The following PLB1 variants were observed in gnomAD, a reference collection of about 807,000 sequenced individuals.
PLB1 encodes the protein phospholipase B1, membrane-associated.
A neutral mutation model predicts 227.4 loss-of-function variants in PLB1; 242 were observed. The ratio of observed to expected loss-of-function variants is 1.06; its 90% CI spans 0.96 to 1.18. PLB1 has a LOEUF of 1.18. Among genes scored for constraint, PLB1 ranks in the 50% most tolerant of loss-of-function variants. The probability of loss-of-function intolerance (pLI) is 0.00; values close to 1 mark genes in which losing one functional copy is unlikely to be tolerated. For synonymous variants in PLB1, 757 were observed against 682.2 expected, an observed-to-expected ratio of 1.11 and a Z score of -1.71; for missense variants, 1,858 against 1,816.3, an observed-to-expected ratio of 1.02 and a Z score of -0.42.
At chr2:28,506,180 C>A (rs143306215) in intron 1 of PLB1, among the ~76,000 whole-genome samples, 1 of 152,324 alleles carries the variant, frequency 6.6e-6, no homozygotes, top group Admixed American at 6.5e-5. Flanking sequence ...AAGGAACCCT[C>A]TGGGGAGAGA....
intron 43 of PLB1, among the ~76,000 whole-genome samples, chr2:28,608,225 A>C (rs1432899117): frequency 6.6e-6 from 1 of 152,240 alleles, no homozygotes; most frequent in Non-Finnish European, 1.5e-5. Flanking sequence ...GAAAGGGTCC[A>C]TCTGTTGGCC....
chr2:28,589,421 C>T (rs750578921), intron 26 of PLB1, 29 bp from the exon 27 acceptor site: 1 of 1,551,188 alleles, frequency 6.4e-7, no homozygotes. Context: ...AGAGGACTGC[C>T]TGACATCTGT....
intron 57 of PLB1, 71 bp downstream of exon 57, chr2:28,641,072 C>G: frequency 7.0e-7 from 1 of 1,418,762 alleles, no homozygotes; most frequent in Non-Finnish European, 9.7e-7. Flanking sequence ...CCCCTGGAAG[C>G]ACAGAGGAGT....
At chr2:28,626,229 C>T (rs1687753663) in intron 50 of PLB1, among the ~76,000 whole-genome samples, 199 bp from the exon 51 acceptor site, 1 of 152,154 alleles carries the variant, frequency 6.6e-6, no homozygotes, top group African/African-American at 2.4e-5. Flanking sequence ...CTCCTGACCT[C>T]AGGTGATCCA....
At chr2:28,516,706 C>G (rs1668889653) in intron 1 of PLB1, 102 bp from the exon 2 acceptor site, 1 of 1,018,940 alleles carries the variant, frequency 9.8e-7, no homozygotes, top group African/African-American at 1.6e-5. Flanking sequence ...CATTACTGAG[C>G]TGGGCACACA....
intron 19 of PLB1, 111 bp from the exon 20 acceptor site, chr2:28,566,685 C>T: frequency 8.1e-7 from 1 of 1,231,266 alleles, no homozygotes. Flanking sequence ...GTGCAAGCTC[C>T]AGGCCCCCGG....
intron 45 of PLB1, 38 bp downstream of exon 45, chr2:28,617,825 C>G: frequency 6.3e-7 from 1 of 1,580,246 alleles, no homozygotes; most frequent in Non-Finnish European, 8.7e-7. Context: ...AATTAAGGGC[C>G]TTGCCGAATA....
chr2:28,596,943 C>CCT (rs1323987368), intron 33 of PLB1, among the ~76,000 whole-genome samples: 7 of 152,194 alleles, frequency 4.6e-5, no homozygotes, highest in African/African-American at 1.4e-4. Flanking sequence ...TGCTGGTGGG[C>CCT]TGGAAGCTAA....
chr2:28,522,789 C>CG (rs1348162819), intron 4 of PLB1, among the ~76,000 whole-genome samples: 23 of 152,298 alleles, frequency 1.5e-4, no homozygotes. Context: ...TGTGCACTGA[C>CG]GGGTACCTCG....
At chr2:28,563,812 A>G (rs1344283643) in intron 18 of PLB1, among the ~76,000 whole-genome samples, 1 of 152,150 alleles carries the variant, frequency 6.6e-6, no homozygotes, top group Non-Finnish European at 1.5e-5. Context: ...CCAGTAGAAT[A>G]CAGGGTCTCC....
rs1690146825 is a variant in PLB1 at position 28,643,048 on chromosome 2, C to T, written c.4364C>T (p.Thr1455Ile). ...GAAGATCCTCCAATGAGCCTGCGCA[C>T]TGTGGCCCTCTAGGCCCGGGGGTGG... ...RREDPPMSLR[T>I]VAL Residue 1455 changes from threonine to isoleucine, a missense_variant, in exon 58 of 58, where the codon ACT becomes ATT. By Grantham distance (89) the Thr-to-Ile change is moderately conservative. Transcript: ENST00000327757. 6.2e-7 allele frequency: 1 copy of T among 1,603,686 alleles called. No individual in the cohort carries two copies. The highest frequency in any genetic ancestry group is 8.5e-7 in the Non-Finnish European group (1 of 1,175,298).
intron 37 of PLB1, 87 bp from the exon 38 acceptor site, chr2:28,601,812 C>A: frequency 8.6e-7 from 1 of 1,168,438 alleles, no homozygotes; most frequent in Non-Finnish European, 1.3e-6. Flanking sequence ...GTCCTCAGGG[C>A]TGGAGCCAGA....
At chr2:28,505,004 A>G (rs886115626) in intron 1 of PLB1, among the ~76,000 whole-genome samples, 7 of 152,178 alleles carry the variant, frequency 4.6e-5, no homozygotes, top group South Asian at 2.1e-4. Context: ...TGTTCATTCT[A>G]TTGGGCACTG....
chr2:28,556,629 T>G (rs1675175837), intron 17 of PLB1, among the ~76,000 whole-genome samples: 1 of 152,028 alleles, frequency 6.6e-6, no homozygotes, highest in African/African-American at 2.4e-5. Context: ...GAGCTTAGGA[T>G]TTTCCCAGCG....
At chr2:28,549,467 G>A (rs904596847) in intron 15 of PLB1, among the ~76,000 whole-genome samples, 2 of 125,974 alleles carry the variant, frequency 1.6e-5, no homozygotes, top group Admixed American at 1.0e-4. Flanking sequence ...CCAGGCTGGA[G>A]TGCAGTGGCA....
chr2:28,612,227 G>A (rs1030112367), intron 43 of PLB1, among the ~76,000 whole-genome samples: 3 of 152,168 alleles, frequency 2.0e-5, no homozygotes, highest in Non-Finnish European at 2.9e-5. Flanking sequence ...GAGACTTGTC[G>A]GGTGCCTCAG....
chr2:28,567,079 A>C (rs10184177), intron 20 of PLB1, among the ~76,000 whole-genome samples: 7,314 of 151,884 alleles, frequency 0.048, 627 homozygotes, highest in African/African-American at 0.17. Context: ...GAGGTGTCAA[A>C]AAGAAATTGT....
intron 33 of PLB1, 183 bp downstream of exon 33, chr2:28,593,937 T>G (rs1682441566): frequency 1.4e-6 from 1 of 737,854 alleles, no homozygotes; most frequent in East Asian, 2.5e-5. Context: ...GATATTTTAC[T>G]GTTGATAATC....
chr2:28,497,655 T>C (rs974162323), intron 1 of PLB1, among the ~76,000 whole-genome samples: 2 of 152,328 alleles, frequency 1.3e-5, no homozygotes, highest in East Asian at 1.9e-4. Flanking sequence ...GCCTGGCCGA[T>C]TGCAGACTGT....
Sources: gnomAD v4.1 joint callset for allele counts (sites outside exome capture counted in the v4.1 genomes callset) on GRCh38, gnomAD v4.1.1 for gene constraint, MANE v1.5 for transcripts, NCBI Gene and HGNC (gene_info 2026-07-23, HGNC 2026-07-21) for gene names.